CNTNAP5: variants seen among roughly 807,000 people sequenced by gnomAD.
CNTNAP5 encodes the protein contactin-associated protein-like 5.
A neutral mutation model predicts 150.2 loss-of-function variants in CNTNAP5; 72 were observed. The ratio of observed to expected loss-of-function variants is 0.48; its 90% CI spans 0.40 to 0.58. CNTNAP5 has a LOEUF of 0.58. Ranked by LOEUF, CNTNAP5 falls within the 20% of genes least tolerant of loss-of-function variation. CNTNAP5 has a pLI of 0.00. For missense variants in CNTNAP5, 1,636 were observed against 1,626.2 expected (o/e 1.01, Z -0.10); for synonymous variants, 672 against 619.8 (o/e 1.08, Z -1.25).
At chr2:124,769,292 C>A (rs1021861525) in intron 16 of CNTNAP5, among the ~76,000 whole-genome samples, 1 of 151,924 alleles carries the variant, frequency 6.6e-6, no homozygotes, top group East Asian at 1.9e-4. Flanking sequence ...CATGCCCTTT[C>A]TTTTTTTTAT....
intron 1 of CNTNAP5, among the ~76,000 whole-genome samples, chr2:124,099,976 A>T (rs559376138): frequency 6.6e-6 from 1 of 152,298 alleles, no homozygotes; most frequent in African/African-American, 2.4e-5. Context: ...TTAGGTGGGG[A>T]CATAGATCCA....
At chr2:124,339,311 A>T (rs1689551746) in intron 3 of CNTNAP5, among the ~76,000 whole-genome samples, 1 of 152,180 alleles carries the variant, frequency 6.6e-6, no homozygotes, top group Admixed American at 6.5e-5. Context: ...TGAAAGGCTC[A>T]TATTTTATAT....
chr2:124,782,645 T>A (rs917410532), intron 17 of CNTNAP5, among the ~76,000 whole-genome samples: 1 of 152,158 alleles, frequency 6.6e-6, no homozygotes, highest in South Asian at 2.1e-4. Flanking sequence ...ATTTAGCATA[T>A]TGACCAAAGA....
intron 13 of CNTNAP5, among the ~76,000 whole-genome samples, chr2:124,676,662 C>T (rs1678945156): frequency 6.6e-6 from 1 of 152,140 alleles, no homozygotes; most frequent in African/African-American, 2.4e-5. Context: ...ATTCTGCTCC[C>T]TTGCATAGCT....
intron 13 of CNTNAP5, among the ~76,000 whole-genome samples, chr2:124,665,048 C>T (rs1050894150): frequency 2.0e-5 from 3 of 152,058 alleles, no homozygotes; most frequent in Non-Finnish European, 4.4e-5. Flanking sequence ...GGTGCATAGC[C>T]TTAACGTCTA....
intron 3 of CNTNAP5, among the ~76,000 whole-genome samples, chr2:124,326,704 C>T (rs889495996): frequency 6.6e-6 from 1 of 152,100 alleles, no homozygotes; most frequent in South Asian, 2.1e-4. Context: ...GCAGCCTGAT[C>T]ACTTGAGCCC....
At chr2:124,142,383 G>A (rs543637099) in intron 1 of CNTNAP5, among the ~76,000 whole-genome samples, 1 of 151,464 alleles carries the variant, frequency 6.6e-6, no homozygotes, top group Non-Finnish European at 1.5e-5. Flanking sequence ...TGACCACATA[G>A]TTGGAAGTAA....
At chr2:124,434,722 T>G (rs1410422274) in intron 5 of CNTNAP5, 35 bp downstream of exon 5, 8 of 1,551,284 alleles carry the variant, frequency 5.2e-6, no homozygotes, top group Non-Finnish European at 7.0e-6. Flanking sequence ...TGCCAAGGGA[T>G]GGAGAGCTCC....
intron 3 of CNTNAP5, among the ~76,000 whole-genome samples, chr2:124,289,695 T>C (rs566878421): frequency 4.6e-5 from 7 of 152,318 alleles, no homozygotes; most frequent in Admixed American, 2.6e-4. Flanking sequence ...TATATTGCCA[T>C]CATTTTACAG....
Position 124,323,993 on chromosome 2 carries a change from C to A in CNTNAP5, c.381+81600C>A, listed in dbSNP as rs569503414. 3.3e-5 allele frequency among the ~76,000 whole-genome samples: 5 copies of A among 151,858 alleles called. No homozygotes were observed. In the East Asian group the frequency reaches 7.8e-4, roughly 24 times the overall value. ...GTATTTGTGTTAGGTTCTGGGAGTG[C>A]AATTTGGGAAAAGTAGAGAGCATTA... On this transcript the variant is annotated intron_variant, in intron 3 of 23. Coordinates refer to ENST00000682447, the MANE Select transcript of CNTNAP5 (RefSeq NM_001367498.1).
At chr2:124,803,863 T>A (rs1026744012) in intron 19 of CNTNAP5, among the ~76,000 whole-genome samples, 1 of 152,278 alleles carries the variant, frequency 6.6e-6, no homozygotes, top group Admixed American at 6.5e-5. Flanking sequence ...TGCTATCTTA[T>A]GGAAGCCCTT....
chr2:124,414,434 G>T (rs1391958295), intron 3 of CNTNAP5, among the ~76,000 whole-genome samples: 1 of 152,092 alleles, frequency 6.6e-6, no homozygotes. Flanking sequence ...AAAACTTCCA[G>T]ATCTCAGAAC....
chr2:124,419,896 T>TTATC (rs1553466616), intron 4 of CNTNAP5, among the ~76,000 whole-genome samples: 1 of 85,198 alleles, frequency 1.2e-5, no homozygotes, highest in African/African-American at 4.8e-5. Flanking sequence ...ACTGGATTGG[T>TTATC]TTTCTTTCTT....
chr2:124,058,958 T>C lies in CNTNAP5; in HGVS notation c.82+33226T>C, dbSNP rs77618331. On this transcript the variant is annotated intron_variant, in intron 1 of 23. Coordinates refer to ENST00000682447, the MANE Select transcript of CNTNAP5 (RefSeq NM_001367498.1). ...TCCCCTGGTACTCTTTAAAGTAAGC[T>C]ATTGTATCACCAACTCTGGTGATGG... Among the ~76,000 whole-genome samples the C allele has an allele frequency of 2.3e-4, 35 of 152,332 alleles. 1 individual carries two copies. In the East Asian group the frequency reaches 6.4e-3, roughly 28 times the overall value.
At chr2:124,538,897 C>T (rs1695310809) in intron 10 of CNTNAP5, among the ~76,000 whole-genome samples, 1 of 152,202 alleles carries the variant, frequency 6.6e-6, no homozygotes, top group African/African-American at 2.4e-5. Flanking sequence ...ATCCAACATC[C>T]CGATAAGAGC....
At chr2:124,666,383 C>T (rs796705536) in intron 13 of CNTNAP5, among the ~76,000 whole-genome samples, 1 of 152,270 alleles carries the variant, frequency 6.6e-6, no homozygotes, top group African/African-American at 2.4e-5. Flanking sequence ...GTGAGAGTGA[C>T]TTGTAGAGGT....
chr2:124,277,476 C>T (rs1041919450), intron 3 of CNTNAP5, among the ~76,000 whole-genome samples: 1 of 152,106 alleles, frequency 6.6e-6, no homozygotes, highest in African/African-American at 2.4e-5. Context: ...GAAAGCTAAA[C>T]AGTCTATAGG....
intron 1 of CNTNAP5, among the ~76,000 whole-genome samples, chr2:124,218,382 A>G (rs887077297): frequency 2.0e-5 from 3 of 152,160 alleles, no homozygotes; most frequent in Admixed American, 2.0e-4. Flanking sequence ...GACAGAAGTG[A>G]CAGAGGAAAA....
chr2:124,297,241 A>T (rs1688456113), intron 3 of CNTNAP5, among the ~76,000 whole-genome samples: 1 of 152,196 alleles, frequency 6.6e-6, no homozygotes. Context: ...AACTAAGTGA[A>T]CTACTGGTCA....
Sources: allele counts gnomAD v4.1 joint callset (sites outside exome capture counted in the v4.1 genomes callset), GRCh38; gene constraint gnomAD v4.1.1; transcripts MANE v1.5; gene names NCBI Gene and HGNC (gene_info 2026-07-23, HGNC 2026-07-21).